The following IL6R variants were observed in gnomAD, a reference collection of about 807,000 sequenced individuals.
IL6R encodes the protein interleukin-6 receptor subunit alpha.
IL6R carries 38 observed loss-of-function variants against 48.3 expected under a neutral mutation model. That is an observed-to-expected ratio of 0.79 (90% CI 0.61 to 1.03). The LOEUF is 1.03. Ranked by LOEUF, IL6R falls within the 50% of genes least tolerant of loss-of-function variation. IL6R has a pLI of 0.00. For synonymous variants in IL6R, 264 were observed against 256.2 expected (o/e 1.03, Z -0.29); for missense variants, 534 against 618.3 (o/e 0.86, Z 1.45).
At chr1:154,428,672 G>T (rs922575030) in intron 1 of IL6R, among the ~76,000 whole-genome samples, 1 of 152,220 alleles carries the variant, frequency 6.6e-6, no homozygotes, top group African/African-American at 2.4e-5. Context: ...CACGGAATTC[G>T]TAATTACATG....
At chr1:154,462,946 T>C (rs974811601) in intron 9 of IL6R, among the ~76,000 whole-genome samples, 10 of 152,184 alleles carry the variant, frequency 6.6e-5, no homozygotes, top group Non-Finnish European at 1.2e-4. Context: ...TAGCTGGGAT[T>C]ACAGGCATGC....
At chr1:154,444,953 A>C in intron 6 of IL6R, 1 of 390,910 alleles carries the variant, frequency 2.6e-6, no homozygotes, top group Middle Eastern at 8.1e-4. Context: ...CCCCCAAATG[A>C]GGAAGGGTGA....
chr1:154,451,512 C>T lies in IL6R; in HGVS notation c.1066+1532C>T, dbSNP rs369802411. 1.1e-4 allele frequency among the ~76,000 whole-genome samples: 16 copies of T among 152,090 alleles called. No homozygotes were observed. The South Asian group carries it at 2.9e-3, about 28-fold the overall frequency. On this transcript the variant is annotated intron_variant, in intron 8 of 9. Coordinates refer to ENST00000368485, the MANE Select transcript of IL6R (RefSeq NM_000565.4). ...TAGCCTGGGCCACAGAGTGAGATTC[C>T]ATGTCAAAAAAACAAAACAACAACA...
rs200249870 is a variant in IL6R, at chr1:154,426,371, AT to A, written c.86-2823del. Among the ~76,000 whole-genome samples the A allele has an allele frequency of 9.2e-3, 1,401 of 152,002 alleles. 22 individuals are homozygous for A. Among genetic ancestry groups the A allele is most frequent in the African/African-American group, 0.032 (1,329 of 41,446 alleles). On this transcript the variant is annotated intron_variant, in intron 1 of 9. Coordinates refer to ENST00000368485, the MANE Select transcript of IL6R (RefSeq NM_000565.4). Reference sequence around the variant, plus strand: ...ACTAAAAATACAAAAAAAGGAAAAAATTAGCCGGGCATGGTGGTGTGTGCCT... The same window carrying A: ...ACTAAAAATACAAAAAAAGGAAAAAATAGCCGGGCATGGTGGTGTGTGCCT...
In IL6R at chr1:154,447,193, C is replaced by T. The variant is rs192792974; in HGVS notation, c.950-932C>T. 2.6e-5 allele frequency among the ~76,000 whole-genome samples: 4 copies of T among 151,678 alleles called. No homozygotes were observed. In the East Asian group the frequency reaches 5.8e-4, roughly 22 times the overall value. On this transcript the variant is annotated intron_variant, in intron 6 of 9. Coordinates refer to ENST00000368485, the MANE Select transcript of IL6R (RefSeq NM_000565.4). ...GTAGCTCATGCCTGTAATCCTAGCA[C>T]TTTGGGAGGCCAAAGCGGATAGATC...
intron 9 of IL6R, among the ~76,000 whole-genome samples, chr1:154,464,279 C>T (rs1489718267): frequency 6.6e-6 from 1 of 151,934 alleles, no homozygotes; most frequent in African/African-American, 2.4e-5. Context: ...CTCAGCCTCC[C>T]AAGTATCTGG....
chr1:154,435,021 C>G lies in IL6R; in HGVS notation c.672C>G (p.Val224=), dbSNP rs761086594. 6.2e-7 allele frequency: 1 copy of G among 1,614,160 alleles called. No individual in the cohort carries two copies. Among genetic ancestry groups the G allele is most frequent in the East Asian group, 2.2e-5 (1 of 44,892 alleles). ...CTGATCCGCCTGCCAACATCACAGT[C>G]ACTGCCGTGGCCAGAAACCCCCGCT... ...LQPDPPANIT[V]TAVARNPRWL... is the part of the protein sequence containing the mutation. The change falls in exon 5 of 10, where the codon GTC becomes GTG. Residue 224 remains valine, a synonymous_variant. Transcript: ENST00000368485.
intron 6 of IL6R, among the ~76,000 whole-genome samples, chr1:154,439,069 T>C (rs1438699182): frequency 6.6e-6 from 1 of 152,136 alleles, no homozygotes; most frequent in Non-Finnish European, 1.5e-5. Context: ...ATCTGAATGC[T>C]GAGCATCAGT....
At chr1:154,424,105 C>G (rs1030669581) in intron 1 of IL6R, among the ~76,000 whole-genome samples, 1 of 152,228 alleles carries the variant, frequency 6.6e-6, no homozygotes, top group Non-Finnish European at 1.5e-5. Context: ...CTCTGCCCCC[C>G]AGCCTGGGGC....
intron 8 of IL6R, 195 bp from the exon 9 acceptor site, chr1:154,454,292 AC>A: frequency 1.7e-6 from 1 of 593,670 alleles, no homozygotes. Flanking sequence ...AAACAAACAA[AC>A]AAACAAAAAA....
intron 9 of IL6R, among the ~76,000 whole-genome samples, chr1:154,457,022 A>G (rs1169881282): frequency 2.0e-5 from 3 of 152,172 alleles, no homozygotes; most frequent in African/African-American, 7.2e-5. Flanking sequence ...TACTCAAATG[A>G]TGAAAATACC....
At chr1:154,454,370 G>T in intron 8 of IL6R, 118 bp from the exon 9 acceptor site, 1 of 666,686 alleles carries the variant, frequency 1.5e-6, no homozygotes, top group South Asian at 1.7e-5. Context: ...GGGGGTTGGA[G>T]GGGAAGGTTC....
intron 1 of IL6R, among the ~76,000 whole-genome samples, chr1:154,426,774 T>C (rs1278904128): frequency 2.0e-5 from 3 of 152,176 alleles, no homozygotes; most frequent in Admixed American, 6.6e-5. Context: ...AAAAACAATG[T>C]TCGCAATGCT....
intron 1 of IL6R, among the ~76,000 whole-genome samples, chr1:154,428,699 G>A (rs1032114498): frequency 3.9e-5 from 6 of 152,204 alleles, no homozygotes; most frequent in African/African-American, 1.2e-4. Flanking sequence ...TGTGGGTGAC[G>A]TATTGCAGAA....
chr1:154,412,249 C>G (rs549126721), intron 1 of IL6R, among the ~76,000 whole-genome samples: 1 of 147,678 alleles, frequency 6.8e-6, no homozygotes, highest in African/African-American at 2.5e-5. Context: ...GCCCGGTGAG[C>G]CTTTTTTTTT....
rs1204925478 is a variant in IL6R, at chr1:154,414,840, C to T, written c.85+9126C>T. The stretch of plus-strand genomic sequence containing the variant: ...ACAGCAGGAAGAGGAGATTGAGGCC[C>T]AAGAGCTGGTGCATGTAGGCTGACT... On this transcript the variant is annotated intron_variant, in intron 1 of 9. Transcript: ENST00000368485. 9 of 757,292 alleles carry T rather than the reference C, an allele frequency of 1.2e-5. No individual in the cohort carries two copies. In the East Asian group the frequency reaches 2.3e-4, roughly 20 times the overall value. The allele number at this position is 757,292 out of a possible 1,614,324, so 46.9% of individuals were successfully genotyped here. A position where few individuals can be genotyped will look rare whatever the true frequency, so the allele number is the denominator to read the frequency against.
chr1:154,434,457 G>C, intron 3 of IL6R, 62 bp from the exon 4 acceptor site: 1 of 1,466,178 alleles, frequency 6.8e-7, no homozygotes, highest in Middle Eastern at 2.5e-4. Flanking sequence ...TCCCCCTTCT[G>C]TCCCGTCTTG....
intron 9 of IL6R, among the ~76,000 whole-genome samples, chr1:154,458,638 C>T (rs956002437): frequency 7.9e-5 from 12 of 152,252 alleles, no homozygotes; most frequent in East Asian, 1.9e-4. Context: ...CGGTGGCTCA[C>T]GCCTGTGATC....
At chr1:154,423,305 A>G (rs1688794492) in intron 1 of IL6R, among the ~76,000 whole-genome samples, 1 of 144,224 alleles carries the variant, frequency 6.9e-6, no homozygotes, top group African/African-American at 2.5e-5. Flanking sequence ...TAAGAGCAAT[A>G]TAGGCAACTT....
Sources: allele counts gnomAD v4.1 joint callset (sites outside exome capture counted in the v4.1 genomes callset), GRCh38; gene constraint gnomAD v4.1.1; transcripts MANE v1.5; gene names NCBI Gene and HGNC (gene_info 2026-07-23, HGNC 2026-07-21).